The following UBE2R2 variants were observed in gnomAD, a reference collection of about 807,000 sequenced individuals.
UBE2R2 encodes ubiquitin conjugating enzyme E2 R2.
UBE2R2 carries 1 observed loss-of-function variant against 27.8 expected under a neutral mutation model. The ratio of observed to expected loss-of-function variants is 0.04; its 90% CI spans 0.01 to 0.17. UBE2R2 has a LOEUF of 0.17. Ranked by LOEUF, UBE2R2 falls within the 10% of genes least tolerant of loss-of-function variation. The probability of loss-of-function intolerance (pLI) is 1.00; values close to 1 mark genes in which losing one functional copy is unlikely to be tolerated. For missense variants in UBE2R2, 100 were observed against 291.0 expected (o/e 0.34, Z 4.78); for synonymous variants, 106 against 113.3 (o/e 0.94, Z 0.41).
At chr9:33,910,196 G>A (rs1480813103) in intron 3 of UBE2R2, among the ~76,000 whole-genome samples, 1 of 152,118 alleles carries the variant, frequency 6.6e-6, no homozygotes, top group African/African-American at 2.4e-5. Context: ...CCATGCTGGA[G>A]TACAGTGGCG....
intron 1 of UBE2R2, among the ~76,000 whole-genome samples, chr9:33,819,668 T>C (rs1825929958): frequency 6.6e-6 from 1 of 151,644 alleles, no homozygotes; most frequent in African/African-American, 2.4e-5. Context: ...AGACGGAGTC[T>C]CGCTCTGTCA....
At chr9:33,849,903 C>A (rs566863457) in intron 1 of UBE2R2, among the ~76,000 whole-genome samples, 4 of 152,108 alleles carry the variant, frequency 2.6e-5, no homozygotes, top group East Asian at 3.9e-4. Flanking sequence ...TACCACTGAC[C>A]CAATTCTATA....
chr9:33,903,407 C>T (rs953227729), intron 3 of UBE2R2, among the ~76,000 whole-genome samples: 7 of 152,122 alleles, frequency 4.6e-5, no homozygotes, highest in African/African-American at 1.2e-4. Context: ...GAATCAAATG[C>T]TTACACCCTC....
At chr9:33,830,248 C>A (rs1194493278) in intron 1 of UBE2R2, among the ~76,000 whole-genome samples, 1 of 148,088 alleles carries the variant, frequency 6.8e-6, no homozygotes, top group Non-Finnish European at 1.5e-5. Context: ...CCTTCCACCT[C>A]TTGGATTCAA....
At chr9:33,827,561 A>T (rs930059947) in intron 1 of UBE2R2, among the ~76,000 whole-genome samples, 6 of 152,212 alleles carry the variant, frequency 3.9e-5, no homozygotes, top group Admixed American at 3.9e-4. Flanking sequence ...GAATTGTTTG[A>T]ATGCGGGAGG....
chr9:33,816,830 C>G (rs1487469011), upstream of UBE2R2, among the ~76,000 whole-genome samples: 1 of 152,244 alleles, frequency 6.6e-6, no homozygotes, highest in African/African-American at 2.4e-5. Context: ...GTTCCCTTCC[C>G]GGGCACGCCT....
intron 1 of UBE2R2, among the ~76,000 whole-genome samples, chr9:33,830,036 A>T (rs1348259452): frequency 6.6e-6 from 1 of 152,028 alleles, no homozygotes; most frequent in Non-Finnish European, 1.5e-5. Context: ...ACCTCTGGTG[A>T]TCCGCCCTCC....
At chr9:33,909,530 AG>A (rs1822440524) in intron 3 of UBE2R2, among the ~76,000 whole-genome samples, 1 of 152,156 alleles carries the variant, frequency 6.6e-6, no homozygotes, top group Admixed American at 6.5e-5. Flanking sequence ...TTTTCCAGCT[AG>A]GAGCAGTGGC....
chr9:33,824,389 C>T (rs1158436185), intron 1 of UBE2R2, among the ~76,000 whole-genome samples: 2 of 150,494 alleles, frequency 1.3e-5, no homozygotes, highest in Non-Finnish European at 1.5e-5. Context: ...GTAATCCTAG[C>T]ACTTTGGGAG....
chr9:33,824,536 G>A (rs1820259085), intron 1 of UBE2R2, among the ~76,000 whole-genome samples: 1 of 152,056 alleles, frequency 6.6e-6, no homozygotes, highest in East Asian at 1.9e-4. Context: ...CTACTTGGGA[G>A]GCTGAGGCAG....
chr9:33,825,489 C>A (rs935348118), intron 1 of UBE2R2, among the ~76,000 whole-genome samples: 1 of 152,102 alleles, frequency 6.6e-6, no homozygotes, highest in Non-Finnish European at 1.5e-5. Context: ...AATCCACCCA[C>A]CTCGGCCTCC....
intron 1 of UBE2R2, among the ~76,000 whole-genome samples, chr9:33,883,088 C>CA (rs1169890183): frequency 1.3e-5 from 2 of 152,022 alleles, no homozygotes; most frequent in Non-Finnish European, 2.9e-5. Context: ...GGCTCCACCT[C>CA]AAAAAAATAA....
At chr9:33,864,662 G>A (rs959439792) in intron 1 of UBE2R2, among the ~76,000 whole-genome samples, 3 of 151,648 alleles carry the variant, frequency 2.0e-5, no homozygotes, top group Non-Finnish European at 4.4e-5. Context: ...CTATTCTCCC[G>A]CTGAAGCCTC....
chr9:33,864,965 C>G (rs1427642738), intron 1 of UBE2R2, among the ~76,000 whole-genome samples: 1 of 152,044 alleles, frequency 6.6e-6, no homozygotes, highest in Non-Finnish European at 1.5e-5. Flanking sequence ...CTCAGGTGAT[C>G]TGCCCACCTT....
chr9:33,835,706 A>T (rs1235743996), intron 1 of UBE2R2, among the ~76,000 whole-genome samples: 1 of 150,964 alleles, frequency 6.6e-6, no homozygotes, highest in Non-Finnish European at 1.5e-5. Context: ...ACATAGGGAG[A>T]TCCCGTTTCT....
In UBE2R2 at chr9:33,817,618, C is replaced by G; in HGVS notation, c.-140C>G. 1 of 1,040,302 alleles carries G rather than the reference C, an allele frequency of 9.6e-7. No homozygotes were observed. 64.4% of individuals were successfully genotyped at this position (1,040,302 alleles called of 1,614,324 possible). ...GCCCACGGGCCGTGTGGGGCCTGGT[C>G]TGGCCCGCCGGGTGTGTGAAGACCG... is the stretch of plus-strand genomic sequence containing the variant. On this transcript the variant is annotated 5_prime_UTR_variant, in exon 1 of 5. Coordinates refer to ENST00000263228, the MANE Select transcript of UBE2R2 (RefSeq NM_017811.4).
At chr9:33,875,263 T>G (rs1376504069) in intron 1 of UBE2R2, among the ~76,000 whole-genome samples, 1 of 152,252 alleles carries the variant, frequency 6.6e-6, no homozygotes, top group African/African-American at 2.4e-5. Flanking sequence ...TACATTTCCC[T>G]TGTTCTCATA....
chr9:33,893,650 T>A (rs537352458), intron 2 of UBE2R2, among the ~76,000 whole-genome samples: 5 of 152,326 alleles, frequency 3.3e-5, no homozygotes, highest in African/African-American at 1.2e-4. Context: ...TTATTTATTT[T>A]TTGAGACAGA....
chr9:33,840,598 T>C (rs1457685417), intron 1 of UBE2R2, among the ~76,000 whole-genome samples: 2 of 152,186 alleles, frequency 1.3e-5, no homozygotes, highest in African/African-American at 4.8e-5. Context: ...GTAGGCAGTG[T>C]TGTGTTCTTT....
Sources: gnomAD v4.1 joint callset for allele counts (sites outside exome capture counted in the v4.1 genomes callset) on GRCh38, gnomAD v4.1.1 for gene constraint, MANE v1.5 for transcripts, NCBI Gene and HGNC (gene_info 2026-07-23, HGNC 2026-07-21) for gene names.